LOC400499: variants seen among roughly 807,000 people sequenced by gnomAD.
At chr16:11,442,261 C>G in the LOC400499 span, 1 of 152,258 alleles carries the variant, frequency 6.6e-6, no homozygotes. Flanking sequence ...CGCTCTGTCA[C>G]CCAGGCTGGA....
At chr16:11,417,633 G>A in the LOC400499 span, 21 of 398,992 alleles carry the variant, frequency 5.3e-5, no homozygotes, top group Admixed American at 3.5e-4. Context: ...GTGCCTTACC[G>A]TGTATCTGCA....
the LOC400499 span, chr16:11,398,601 A>G: frequency 1.0e-6 from 1 of 987,954 alleles, no homozygotes; most frequent in Non-Finnish European, 1.3e-6. Context: ...AGGCAAGAGC[A>G]TGTGCCAGGA....
chr16:11,439,502 G>A, the LOC400499 span: 1 of 399,052 alleles, frequency 2.5e-6, no homozygotes, highest in South Asian at 1.3e-4. Context: ...GAAGTTTGGA[G>A]GAAATGTTGG....
At chr16:11,517,000 GA>G in the LOC400499 span, among the ~76,000 whole-genome samples, 1 of 152,146 alleles carries the variant, frequency 6.6e-6, no homozygotes, top group Non-Finnish European at 1.5e-5. Flanking sequence ...CAAATACGGG[GA>G]GAGGCTTTCT....
the LOC400499 span, among the ~76,000 whole-genome samples, chr16:11,515,090 G>C: frequency 1.3e-5 from 2 of 152,112 alleles, no homozygotes; most frequent in Non-Finnish European, 2.9e-5. Context: ...CGGAACGCTT[G>C]AGCTCAGAAG....
chr16:11,486,957 A>ATGGG, the LOC400499 span, among the ~76,000 whole-genome samples: 5 of 6,876 alleles, frequency 7.3e-4, no homozygotes, highest in South Asian at 6.5e-3. Flanking sequence ...TCAATGGATA[A>ATGGG]TGGGTGGGTG....
At chr16:11,404,720 C>T in the LOC400499 span, 1 of 399,042 alleles carries the variant, frequency 2.5e-6, no homozygotes, top group South Asian at 1.3e-4. Flanking sequence ...GGCTGAGGTT[C>T]CTGGTGGGCT....
the LOC400499 span, chr16:11,516,445 A>AC: frequency 1.0e-5 from 4 of 397,310 alleles, no homozygotes; most frequent in African/African-American, 8.2e-5. Context: ...ACATCCCCCC[A>AC]CTAGATAGCC....
chr16:11,501,297 C>A, the LOC400499 span, among the ~76,000 whole-genome samples: 1 of 152,108 alleles, frequency 6.6e-6, no homozygotes, highest in African/African-American at 2.4e-5. Context: ...GAACAGGAAC[C>A]AGCAATCAGC....
At chr16:11,390,161 T>A in the LOC400499 span, 1 of 1,232,392 alleles carries the variant, frequency 8.1e-7, no homozygotes, top group Non-Finnish European at 1.0e-6. Flanking sequence ...TCAGTGCCCG[T>A]GAGAACGTGG....
chr16:11,401,709 T>A, the LOC400499 span, among the ~76,000 whole-genome samples: 2 of 152,176 alleles, frequency 1.3e-5, no homozygotes, highest in Non-Finnish European at 2.9e-5. Flanking sequence ...CACCTCTAAG[T>A]GCTTCAATTT....
At chr16:11,479,723 A>G in the LOC400499 span, among the ~76,000 whole-genome samples, 1 of 152,200 alleles carries the variant, frequency 6.6e-6, no homozygotes, top group African/African-American at 2.4e-5. Context: ...AACATCTTCC[A>G]TCACCAGGAT....
At chr16:11,447,601 C>T in the LOC400499 span, among the ~76,000 whole-genome samples, 1 of 152,158 alleles carries the variant, frequency 6.6e-6, no homozygotes, top group Non-Finnish European at 1.5e-5. Context: ...CAAGATGGCT[C>T]TGCTCGTCCT....
At chr16:11,463,212 C>T in the LOC400499 span, among the ~76,000 whole-genome samples, 2 of 152,182 alleles carry the variant, frequency 1.3e-5, no homozygotes, top group East Asian at 3.8e-4. Flanking sequence ...TGAGCAACTA[C>T]AAATATCATC....
At chr16:11,469,403 C>A in the LOC400499 span, 1 of 398,858 alleles carries the variant, frequency 2.5e-6, no homozygotes, top group Non-Finnish European at 4.4e-6. Context: ...GTGCTGACCT[C>A]AGGAGGTCAC....
At chr16:11,403,662 G>T in the LOC400499 span, among the ~76,000 whole-genome samples, 1 of 152,346 alleles carries the variant, frequency 6.6e-6, no homozygotes, top group Non-Finnish European at 1.5e-5. Context: ...CACCTGGCAG[G>T]CTGTGGGTCG....
the LOC400499 span, chr16:11,460,720 G>T: frequency 2.9e-6 from 4 of 1,402,310 alleles, no homozygotes; most frequent in African/African-American, 4.3e-5. Context: ...CACCCCCCAT[G>T]CTTTGCTCCA....
the LOC400499 span, among the ~76,000 whole-genome samples, chr16:11,418,884 G>A: frequency 2.0e-5 from 3 of 152,206 alleles, no homozygotes; most frequent in South Asian, 2.1e-4. Context: ...CCTTCAGTGA[G>A]GCCAGGTGCA....
chr16:11,514,653 T>G, the LOC400499 span: 8 of 396,196 alleles, frequency 2.0e-5, no homozygotes, highest in Non-Finnish European at 3.1e-5. Context: ...AGACCCCCCA[T>G]TCCCCACTCA....
Sources: allele counts gnomAD v4.1 joint callset (sites outside exome capture counted in the v4.1 genomes callset), GRCh38; gene constraint gnomAD v4.1.1; transcripts MANE v1.5.